Variants in GHRHR observed in about 807,000 individuals in gnomAD.
The protein encoded by GHRHR is growth hormone releasing hormone receptor.
GHRHR carries 40 observed loss-of-function variants against 58.3 expected under a neutral mutation model. The ratio of observed to expected loss-of-function variants is 0.69; its 90% CI spans 0.53 to 0.89. GHRHR has a LOEUF of 0.89. GHRHR is among the 40% of genes least tolerant of loss of function. The pLI, the probability that GHRHR is intolerant of heterozygous loss-of-function variation, is 0.00. For missense variants in GHRHR, 551 were observed against 541.3 expected (o/e 1.02, Z -0.18); for synonymous variants, 249 against 216.6 (o/e 1.15, Z -1.31).
At chr7:30,970,763 G>T (rs1248694273) in intron 4 of GHRHR, among the ~76,000 whole-genome samples, 1 of 152,218 alleles carries the variant, frequency 6.6e-6, no homozygotes, top group Non-Finnish European at 1.5e-5. Context: ...GTGTTCCCAA[G>T]CTGGTGAGCA....
intron 3 of GHRHR, chr7:30,969,399 A>C: frequency 1.6e-6 from 1 of 610,380 alleles, no homozygotes; most frequent in Admixed American, 2.5e-5. Flanking sequence ...AGAACCTGTA[A>C]GTGCTGGACC....
intron 6 of GHRHR, among the ~76,000 whole-genome samples, chr7:30,973,446 C>T (rs1792514726): frequency 6.6e-6 from 1 of 152,192 alleles, no homozygotes; most frequent in Admixed American, 6.5e-5. Flanking sequence ...CACCCAGTGG[C>T]ACACGGGTGG....
intron 12 of GHRHR, among the ~76,000 whole-genome samples, chr7:30,977,989 G>A (rs905141091): frequency 6.6e-6 from 1 of 152,206 alleles, no homozygotes; most frequent in Non-Finnish European, 1.5e-5. Context: ...GCTCTGGGGA[G>A]AGAGGCGGGG....
intron 10 of GHRHR, 61 bp downstream of exon 10, chr7:30,975,929 TC>T (rs1792568282): frequency 1.1e-6 from 1 of 936,022 alleles, no homozygotes; most frequent in Non-Finnish European, 1.8e-6. Flanking sequence ...ATTCAATGTG[TC>T]TGTCTCATCC....
intron 1 of GHRHR, among the ~76,000 whole-genome samples, chr7:30,966,830 T>C (rs552960971): frequency 6.6e-6 from 1 of 152,220 alleles, no homozygotes; most frequent in East Asian, 1.9e-4. Flanking sequence ...TTTGTAGAGA[T>C]AGTGTTTTGC....
rs138615339 is a variant in GHRHR at position 30,971,988 on chromosome 7, G to A, written c.490G>A (p.Val164Ile). 650 of 1,613,890 alleles carry A rather than the reference G, an allele frequency of 4.0e-4. 1 individual carries two copies. The highest frequency in any genetic ancestry group is 7.6e-4 in the South Asian group (69 of 91,078). ...GAGGCTCCACTGCCCCCGGAACTAC[G>A]TCCACACCCAGCTGTTCACCACTTT... ...LRRLHCPRNY[V>I]HTQLFTTFIL... The change falls in exon 6 of 13, where the codon GTC becomes ATC. Residue 164 changes from valine to isoleucine, a missense_variant. Coordinates refer to ENST00000326139, the MANE Select transcript of GHRHR (RefSeq NM_000823.4).
chr7:30,969,389 A>C, intron 3 of GHRHR: 2 of 615,720 alleles, frequency 3.2e-6, no homozygotes, highest in East Asian at 5.6e-5. Context: ...ATTAGAGTGC[A>C]GAACCTGTAA....
chr7:30,964,225 C>G (rs994328636), intron 1 of GHRHR, 100 bp downstream of exon 1: 2 of 1,075,958 alleles, frequency 1.9e-6, no homozygotes, highest in African/African-American at 1.6e-5. Flanking sequence ...CTGCCCTTCT[C>G]CTGCTCTAGA....
At chr7:30,968,406 C>G (rs1339303491) in intron 1 of GHRHR, among the ~76,000 whole-genome samples, 1 of 152,048 alleles carries the variant, frequency 6.6e-6, no homozygotes, top group African/African-American at 2.4e-5. Context: ...TAATGTGTCT[C>G]AGAACTTACT....
chr7:30,969,077 T>A lies in GHRHR; in HGVS notation c.175T>A (p.Trp59Arg). ...TCTCTATCCAGGCTGCCCTGCGACCTGGGATGGGCTGCTGTGCTGGCCAAC... is the reference window on the plus strand; with the variant it reads ...TCTCTATCCAGGCTGCCCTGCGACCAGGGATGGGCTGCTGTGCTGGCCAAC... ...PNTTLGCPAT[W>R]DGLLCWPTAG... Residue 59 changes from tryptophan (W) to arginine (R), a missense_variant, in exon 3 of 13, where the codon TGG becomes AGG. Transcript: ENST00000326139. The A allele has an allele frequency of 6.3e-7, 1 of 1,580,066 alleles. No individual in the cohort carries two copies. The highest frequency in any genetic ancestry group is 8.6e-7 in the Non-Finnish European group (1 of 1,162,534).
At chr7:30,976,898 A>G (rs1425644058) in intron 11 of GHRHR, among the ~76,000 whole-genome samples, 1 of 63,060 alleles carries the variant, frequency 1.6e-5, no homozygotes, top group Non-Finnish European at 3.1e-5. Context: ...CCATTCATCC[A>G]CCCACCCACC....
intron 7 of GHRHR, 145 bp from the exon 8 acceptor site, chr7:30,974,284 G>T: frequency 8.8e-7 from 1 of 1,136,558 alleles, no homozygotes; most frequent in Non-Finnish European, 1.3e-6. Context: ...GTTGGAGGGT[G>T]GGACCAGGGC....
chr7:30,968,891 A>T lies in GHRHR; in HGVS notation c.115A>T (p.Ser39Cys). The change falls in exon 2 of 13, where the codon AGT becomes TGT. Residue 39 changes from serine to cysteine, a missense_variant. Physicochemically the swap from Ser to Cys is moderately radical, Grantham distance 112. Transcript: ENST00000326139. ...CATCACCCAGCTGAGAGAGGATGAGAGTGCCTGTCTACAAGCAGCAGAGGA... is the reference window on the plus strand; with the variant it reads ...CATCACCCAGCTGAGAGAGGATGAGTGTGCCTGTCTACAAGCAGCAGAGGA... ...DFITQLREDE[S>C]ACLQAAEEMP... The T allele has an allele frequency of 6.2e-7, 1 of 1,613,856 alleles. No homozygotes were observed. The highest frequency in any genetic ancestry group is 2.2e-5 in the East Asian group (1 of 44,844).
intron 1 of GHRHR, among the ~76,000 whole-genome samples, chr7:30,965,835 A>T (rs2267722): frequency 6.6e-6 from 1 of 151,850 alleles, no homozygotes; most frequent in African/African-American, 2.4e-5. Flanking sequence ...ATACAGGCCC[A>T]TCTGCCCTCC....
chr7:30,973,689 T>G (rs1792520605), intron 6 of GHRHR, among the ~76,000 whole-genome samples: 1 of 152,220 alleles, frequency 6.6e-6, no homozygotes, highest in Non-Finnish European at 1.5e-5. Flanking sequence ...ATCCTTATGA[T>G]GAGGACTTGA....
chr7:30,976,466 T>C lies in GHRHR; in HGVS notation c.1012T>C (p.Phe338Leu). Residue 338 changes from phenylalanine (F) to leucine (L), a missense_variant, in exon 11 of 13, where the codon TTT (phenylalanine) becomes CTT (leucine). By Grantham distance (22) the Phe-to-Leu change is conservative. Coordinates refer to ENST00000326139, the MANE Select transcript of GHRHR (RefSeq NM_000823.4). ...SKSTLFLIPLFGIHYIIFNFL... is the reference protein window; with the variant it reads ...SKSTLFLIPLLGIHYIIFNFL... ...GTCGACACTTTTCCTGATCCCACTCTTTGGAATTCACTACATCATCTTCAA... is the reference window on the plus strand; with the variant it reads ...GTCGACACTTTTCCTGATCCCACTCCTTGGAATTCACTACATCATCTTCAA... 3.1e-6 allele frequency: 5 copies of C among 1,613,512 alleles called. No individual in the cohort carries two copies. Among genetic ancestry groups the C allele is most frequent in the Non-Finnish European group, 4.2e-6 (5 of 1,179,498 alleles).
In GHRHR at chr7:30,974,146, C is replaced by A; in HGVS notation, c.751+8C>A. On this transcript the variant is annotated splice_region_variant and intron_variant, in intron 7 of 12. Coordinates refer to ENST00000326139, the MANE Select transcript of GHRHR (RefSeq NM_000823.4). Reference sequence around the variant, plus strand: ...TGGTTCTCGCTGGCTGGGGTGAGCACTGAGGGCGGGTTGGGCACCATGGGG... The same window carrying A: ...TGGTTCTCGCTGGCTGGGGTGAGCAATGAGGGCGGGTTGGGCACCATGGGG... 6 of 1,613,456 alleles carry A rather than the reference C, an allele frequency of 3.7e-6. No individual in the cohort carries two copies. Among genetic ancestry groups the A allele is most frequent in the Non-Finnish European group, 5.1e-6 (6 of 1,179,664 alleles).
At chr7:30,970,985 C>T (rs909218435) in intron 4 of GHRHR, 134 bp from the exon 5 acceptor site, 22 of 699,546 alleles carry the variant, frequency 3.1e-5, no homozygotes, top group Middle Eastern at 6.6e-4. Context: ...TTCCATGGTA[C>T]TCGCGGACAC....
intron 1 of GHRHR, among the ~76,000 whole-genome samples, chr7:30,964,458 C>T (rs1792299672): frequency 6.6e-6 from 1 of 152,220 alleles, no homozygotes; most frequent in South Asian, 2.1e-4. Flanking sequence ...GACAGTGCCT[C>T]AGAATTGGTG....
Sources: allele counts gnomAD v4.1 joint callset (sites outside exome capture counted in the v4.1 genomes callset), GRCh38; gene constraint gnomAD v4.1.1; transcripts MANE v1.5; gene names NCBI Gene and HGNC (gene_info 2026-07-23, HGNC 2026-07-21).